The following NACC2 variants were observed in gnomAD, a reference collection of about 807,000 sequenced individuals.
NACC2 encodes NACC family member 2.
NACC2 carries 8 observed loss-of-function variants against 25.1 expected under a neutral mutation model. The ratio of observed to expected loss-of-function variants is 0.32; its 90% CI spans 0.19 to 0.57. The LOEUF (loss-of-function observed/expected upper bound fraction) is 0.57. NACC2 is among the 20% of genes least tolerant of loss of function. The probability of loss-of-function intolerance (pLI) is 0.89; values close to 1 mark genes in which losing one functional copy is unlikely to be tolerated. For synonymous variants in NACC2, 435 were observed against 294.7 expected (o/e 1.48, Z -4.88); for missense variants, 644 against 650.2 (o/e 0.99, Z 0.10).
chr9:136,056,945 G>A (rs925111987), intron 1 of NACC2, among the ~76,000 whole-genome samples: 28 of 152,242 alleles, frequency 1.8e-4, no homozygotes, highest in African/African-American at 6.5e-4. Flanking sequence ...TCGGCCACCC[G>A]TGGGCAGGCC....
At chr9:136,095,008 G>A (rs1347648775) in intron 1 of NACC2, among the ~76,000 whole-genome samples, 181 bp downstream of exon 1, 1 of 145,898 alleles carries the variant, frequency 6.9e-6, no homozygotes, top group African/African-American at 2.5e-5. Context: ...CGGTTCCCGC[G>A]CGCACGCCCG....
At chr9:136,092,104 G>A (rs1046725876) in intron 1 of NACC2, among the ~76,000 whole-genome samples, 1 of 152,212 alleles carries the variant, frequency 6.6e-6, no homozygotes, top group Non-Finnish European at 1.5e-5. Flanking sequence ...CTGGGGCCCA[G>A]TGGGGAGACA....
rs1840040164 is a variant in NACC2, at chr9:136,007,521, AGACG to A, written c.*3991_*3994del. 1 of 83,102 alleles carries A rather than the reference AGACG, an allele frequency of 1.2e-5. No individual in the cohort carries two copies. Among genetic ancestry groups the A allele is most frequent in the Non-Finnish European group, 3.5e-5 (1 of 28,742 alleles). 5.1% of individuals were successfully genotyped at this position (83,102 alleles called of 1,614,324 possible). ...CACACATGCACAGACGCGCACACACAGACGCACAGACGTGCACACACAGACACGC... is the reference window on the plus strand; with the variant it reads ...CACACATGCACAGACGCGCACACACACACAGACGTGCACACACAGACACGC... On this transcript the variant is annotated 3_prime_UTR_variant, in exon 6 of 6. Transcript: ENST00000277554.
intron 1 of NACC2, among the ~76,000 whole-genome samples, chr9:136,068,279 C>T (rs1377015047): frequency 6.6e-6 from 1 of 152,078 alleles, no homozygotes. Context: ...GGGCAGATGA[C>T]CTGAGGTCAG....
chr9:136,065,934 T>C (rs1422143705), intron 1 of NACC2, among the ~76,000 whole-genome samples: 4 of 151,902 alleles, frequency 2.6e-5, no homozygotes, highest in Non-Finnish European at 5.9e-5. Context: ...TGGCTCACGC[T>C]TGTAATCCTA....
At chr9:136,057,065 G>T (rs1176553727) in intron 1 of NACC2, among the ~76,000 whole-genome samples, 5 of 152,186 alleles carry the variant, frequency 3.3e-5, no homozygotes. Context: ...TCGAGGGAGG[G>T]CTGGGAGGAC....
In NACC2 at chr9:136,032,845, G is replaced by A. The variant is rs375617609; in HGVS notation, c.887-16416C>T. Among the ~76,000 whole-genome samples, 16 of 152,022 alleles carry A rather than the reference G, an allele frequency of 1.1e-4. No homozygotes were observed. In the South Asian group the frequency reaches 1.3e-3, roughly 12 times the overall value. On this transcript the variant is annotated intron_variant, in intron 2 of 5. Transcript: ENST00000277554. ...AGCCTGGCCAACATGGTGAAACCCCGTCTCTATTAAAAATACAAAAAAATT... is the reference window on the plus strand; with the variant it reads ...AGCCTGGCCAACATGGTGAAACCCCATCTCTATTAAAAATACAAAAAAATT...
At chr9:136,093,209 G>A (rs760271960) in intron 1 of NACC2, among the ~76,000 whole-genome samples, 7 of 152,202 alleles carry the variant, frequency 4.6e-5, no homozygotes, top group East Asian at 1.9e-4. Flanking sequence ...GCAGGACTCC[G>A]GAGGCAGAGG....
In NACC2 at chr9:136,095,272, C is replaced by T. The variant is rs919252520; in HGVS notation, c.-143G>A. ...AGTGCTTGGCGTCCCGGCGCTCCGGCTCCCATGGACTTTCTCCGACCTCGC... is the reference window on the plus strand; with the variant it reads ...AGTGCTTGGCGTCCCGGCGCTCCGGTTCCCATGGACTTTCTCCGACCTCGC... On this transcript the variant is annotated 5_prime_UTR_variant, in exon 1 of 6. Transcript: ENST00000277554. 1 of 147,552 alleles carries T rather than the reference C, an allele frequency of 6.8e-6. No homozygotes were observed. Among genetic ancestry groups the T allele is most frequent in the Non-Finnish European group, 1.5e-5 (1 of 66,202 alleles). 9.1% of individuals were successfully genotyped at this position (147,552 alleles called of 1,614,324 possible). A position where few individuals can be genotyped will look rare whatever the true frequency, so the allele number is the denominator to read the frequency against.
chr9:136,085,979 T>C (rs1360438611), intron 1 of NACC2, among the ~76,000 whole-genome samples: 3 of 148,400 alleles, frequency 2.0e-5, no homozygotes, highest in Admixed American at 6.7e-5. Flanking sequence ...ATGGGAGGGG[T>C]TGGCAGAGCC....
chr9:136,053,218 G>A (rs1840874481), intron 1 of NACC2, among the ~76,000 whole-genome samples: 2 of 152,256 alleles, frequency 1.3e-5, no homozygotes, highest in Non-Finnish European at 2.9e-5. Context: ...AGACCAGAGA[G>A]AGGGCCATCT....
At chr9:136,072,356 G>A (rs576569254) in intron 1 of NACC2, among the ~76,000 whole-genome samples, 7 of 152,072 alleles carry the variant, frequency 4.6e-5, no homozygotes, top group Non-Finnish European at 1.0e-4. Flanking sequence ...GATCAGAATG[G>A]CCAACACAGT....
intron 1 of NACC2, among the ~76,000 whole-genome samples, chr9:136,077,427 T>G (rs1335680945): frequency 6.6e-6 from 1 of 152,156 alleles, no homozygotes; most frequent in Non-Finnish European, 1.5e-5. Context: ...CAAAGGACAT[T>G]GTTGATAAGT....
At chr9:136,077,620 G>A (rs1487714120) in intron 1 of NACC2, among the ~76,000 whole-genome samples, 1 of 151,904 alleles carries the variant, frequency 6.6e-6, no homozygotes, top group Non-Finnish European at 1.5e-5. Flanking sequence ...GGAGGGGCAA[G>A]AGCCCAGAAC....
chr9:136,023,117 G>A (rs1588560127), intron 2 of NACC2, among the ~76,000 whole-genome samples: 1 of 36,258 alleles, frequency 2.8e-5, no homozygotes, highest in Non-Finnish European at 6.0e-5. Context: ...AGGAGGGAGG[G>A]GGAGGAGGGA....
rs962582505 is a variant in NACC2 at position 136,093,751 on chromosome 9, C to A, written c.-60+1438G>T. ...TCTTTAAGGGAGGGGCTGGGAAAGGCCCCACAGAGGACCAGAGGGGTGCTC... is the reference window on the plus strand; with the variant it reads ...TCTTTAAGGGAGGGGCTGGGAAAGGACCCACAGAGGACCAGAGGGGTGCTC... On this transcript the variant is annotated intron_variant, in intron 1 of 5. Transcript: ENST00000277554. Among the ~76,000 whole-genome samples the A allele has an allele frequency of 7.9e-5, 12 of 152,032 alleles. No homozygotes were observed. In the East Asian group the frequency reaches 2.3e-3, roughly 30 times the overall value.
chr9:136,044,408 G>C (rs919780069), intron 2 of NACC2, among the ~76,000 whole-genome samples: 1 of 152,108 alleles, frequency 6.6e-6, no homozygotes, highest in African/African-American at 2.4e-5. Flanking sequence ...TCGGCTCCTC[G>C]GAAGGCCTGA....
chr9:136,058,130 G>A (rs1241216133), intron 1 of NACC2, among the ~76,000 whole-genome samples: 1 of 152,220 alleles, frequency 6.6e-6, no homozygotes, highest in African/African-American at 2.4e-5. Context: ...GACGCCTGGA[G>A]CCACACGCCT....
intron 2 of NACC2, among the ~76,000 whole-genome samples, chr9:136,048,062 G>A (rs927283031): frequency 4.6e-5 from 7 of 152,290 alleles, no homozygotes; most frequent in South Asian, 2.1e-4. Flanking sequence ...GCAACCCGTC[G>A]GCAGGGCCCT....
Sources: gnomAD v4.1 joint callset for allele counts (sites outside exome capture counted in the v4.1 genomes callset) on GRCh38, gnomAD v4.1.1 for gene constraint, MANE v1.5 for transcripts, NCBI Gene and HGNC (gene_info 2026-07-23, HGNC 2026-07-21) for gene names.